Variants in DIAPH2 observed in about 807,000 individuals in gnomAD.
DIAPH2 encodes the protein protein diaphanous homolog 2.
In DIAPH2, 35 loss-of-function variants were observed where a neutral mutation model predicts 92.7. The ratio of observed to expected loss-of-function variants is 0.38; its 90% CI spans 0.29 to 0.50. The LOEUF is 0.50. Ranked by LOEUF, DIAPH2 falls within the 20% of genes least tolerant of loss-of-function variation. The pLI, the probability that DIAPH2 is intolerant of heterozygous loss-of-function variation, is 0.94. For synonymous variants in DIAPH2, 301 were observed against 280.4 expected (o/e 1.07, Z -0.73); for missense variants, 701 against 819.5 (o/e 0.86, Z 1.77).
At position 96,884,604 on chromosome X, in the gene DIAPH2, C is replaced by T. The variant is rs1462207663; in HGVS notation, c.587+2886C>T. The T allele has an allele frequency of 8.3e-6, 10 of 1,210,006 alleles. No homozygotes were observed. The South Asian group carries it at 1.1e-4, about 13-fold the overall frequency. On this transcript the variant is annotated intron_variant, in intron 5 of 26. Coordinates refer to ENST00000324765, the MANE Select transcript of DIAPH2 (RefSeq NM_006729.5). The stretch of plus-strand genomic sequence containing the variant: ...TTTGTTACAAAATTGATGATATGAC[C>T]GCGAAACCAATCGAGGCCCGACAGT...
intron 23 of DIAPH2, chrX:97,341,419 A>G (rs1260882760): frequency 9.0e-6 from 1 of 110,927 alleles, no homozygotes; most frequent in Non-Finnish European, 1.9e-5. Flanking sequence ...GAGATAAACA[A>G]AATGGCCAGT....
intron 26 of DIAPH2, among the ~76,000 whole-genome samples, chrX:97,468,635 T>C (rs1267413994): frequency 3.9e-5 from 1 of 25,819 alleles, no homozygotes; most frequent in Non-Finnish European, 1.0e-4. Flanking sequence ...GAAAGGTCTT[T>C]GTGAAAAAAA....
At chrX:96,983,326 A>G (rs2066009909) in intron 17 of DIAPH2, among the ~76,000 whole-genome samples, 1 of 111,233 alleles carries the variant, frequency 9.0e-6, no homozygotes, top group African/African-American at 3.3e-5. Flanking sequence ...AAGCTGACTG[A>G]CTCAGTAAGC....
intron 23 of DIAPH2, among the ~76,000 whole-genome samples, chrX:97,329,688 G>A (rs1381148582): frequency 2.7e-5 from 3 of 110,623 alleles, no homozygotes; most frequent in African/African-American, 9.9e-5. Flanking sequence ...GGAACGAGCC[G>A]GGTTCTCCAC....
At chrX:97,012,227 A>G (rs1281706819) in intron 17 of DIAPH2, among the ~76,000 whole-genome samples, 1 of 112,161 alleles carries the variant, frequency 8.9e-6, no homozygotes, top group Non-Finnish European at 1.9e-5. Context: ...CCTGAGGTGA[A>G]TGACCTCAAT....
chrX:97,498,650 A>G (rs905238368), intron 26 of DIAPH2, among the ~76,000 whole-genome samples: 15 of 111,284 alleles, frequency 1.3e-4, no homozygotes, highest in Non-Finnish European at 2.3e-4. Context: ...GAGGTACTAG[A>G]TGTTTACTTT....
chrX:97,460,124 G>A (rs989245552), intron 26 of DIAPH2, among the ~76,000 whole-genome samples: 2 of 110,880 alleles, frequency 1.8e-5, no homozygotes, highest in Non-Finnish European at 3.8e-5. Context: ...TTTATTTGGT[G>A]AAAAGGAAGA....
chrX:97,340,666 T>G (rs1279386586), intron 23 of DIAPH2, among the ~76,000 whole-genome samples: 3 of 106,281 alleles, frequency 2.8e-5, no homozygotes, highest in East Asian at 2.9e-4. Context: ...TTGTTTTTTT[T>G]TTTTTTTGAG....
At chrX:97,081,270 T>G (rs777194135) in intron 19 of DIAPH2, among the ~76,000 whole-genome samples, 7 of 111,572 alleles carry the variant, frequency 6.3e-5, no homozygotes, top group Non-Finnish European at 1.3e-4. Context: ...TTTTTTTTTG[T>G]TTTTTTCTTT....
At chrX:96,747,039 G>C (rs5949992) in intron 3 of DIAPH2, among the ~76,000 whole-genome samples, 3 of 111,080 alleles carry the variant, frequency 2.7e-5, no homozygotes, top group African/African-American at 9.8e-5. Flanking sequence ...CTTTGAGCTT[G>C]CTGAGAATAA....
intron 21 of DIAPH2, among the ~76,000 whole-genome samples, chrX:97,129,498 T>A (rs1305995582): frequency 9.0e-6 from 1 of 111,040 alleles, no homozygotes; most frequent in East Asian, 2.8e-4. Context: ...TATGATTAAA[T>A]TAAACCACAA....
intron 4 of DIAPH2, among the ~76,000 whole-genome samples, chrX:96,810,487 G>T (rs1347999556): frequency 1.3e-4 from 14 of 111,412 alleles, no homozygotes; most frequent in East Asian, 1.1e-3. Flanking sequence ...ACTCTGATGG[G>T]AGTTTCTTTT....
At chrX:96,953,023 A>T (rs2065786826) in intron 15 of DIAPH2, among the ~76,000 whole-genome samples, 1 of 109,189 alleles carries the variant, frequency 9.2e-6, no homozygotes, top group Non-Finnish European at 1.9e-5. Flanking sequence ...GGAGACTGAG[A>T]TGGGAGGATC....
chrX:97,162,429 G>A (rs181053955), intron 22 of DIAPH2, among the ~76,000 whole-genome samples: 144 of 111,892 alleles, frequency 1.3e-3, no homozygotes, highest in African/African-American at 4.7e-3. Context: ...AATAGTACCT[G>A]TCATATAGTA....
chrX:97,523,046 A>G (rs1383638981), intron 26 of DIAPH2, among the ~76,000 whole-genome samples: 2 of 112,020 alleles, frequency 1.8e-5, no homozygotes, highest in Admixed American at 9.5e-5. Flanking sequence ...GAAGAAGGGG[A>G]GCTAGCTGAG....
chrX:97,209,045 A>T (rs1225656264), intron 22 of DIAPH2, among the ~76,000 whole-genome samples: 1 of 110,870 alleles, frequency 9.0e-6, no homozygotes, highest in Non-Finnish European at 1.9e-5. Flanking sequence ...ACTCAAATTG[A>T]TGTACCAAAA....
At chrX:96,859,764 C>T (rs986661317) in intron 4 of DIAPH2, among the ~76,000 whole-genome samples, 7 of 109,599 alleles carry the variant, frequency 6.4e-5, no homozygotes, top group Non-Finnish European at 1.1e-4. Flanking sequence ...GCCTCAGCCT[C>T]CTGCATAGCT....
intron 26 of DIAPH2, among the ~76,000 whole-genome samples, chrX:97,467,368 C>T (rs1401320163): frequency 8.9e-6 from 1 of 112,066 alleles, no homozygotes; most frequent in Non-Finnish European, 1.9e-5. Context: ...TGCACAAAGT[C>T]TTCCTTCTTT....
intron 26 of DIAPH2, among the ~76,000 whole-genome samples, chrX:97,546,835 CAA>C (rs201721287): frequency 1.0e-5 from 1 of 96,641 alleles, no homozygotes; most frequent in Admixed American, 1.1e-4. Context: ...GGCTCTGTCT[CAA>C]AAAAAAAAAA....
Sources: allele counts gnomAD v4.1 joint callset (sites outside exome capture counted in the v4.1 genomes callset), GRCh38; gene constraint gnomAD v4.1.1; transcripts MANE v1.5; gene names NCBI Gene and HGNC (gene_info 2026-07-23, HGNC 2026-07-21).